BMPER: variants seen among roughly 807,000 people sequenced by gnomAD.
BMPER encodes BMP binding endothelial regulator.
Under a neutral mutation model 87.3 loss-of-function variants are expected in BMPER, and 45 were observed. The ratio of observed to expected loss-of-function variants is 0.52; its 90% confidence interval spans 0.41 to 0.66. BMPER has a LOEUF of 0.66. Ranked by LOEUF, BMPER falls within the 30% of genes least tolerant of loss-of-function variation. The pLI is 0.00. For synonymous variants in BMPER, 326 were observed against 316.2 expected (o/e 1.03, Z -0.33); for missense variants, 784 against 867.5 (o/e 0.90, Z 1.21).
intron 6 of BMPER, among the ~76,000 whole-genome samples, chr7:33,985,664 A>G (rs952861894): frequency 6.6e-6 from 1 of 151,952 alleles, no homozygotes; most frequent in Admixed American, 6.6e-5. Flanking sequence ...CCATTTGGAA[A>G]TCTTGTTTTC....
chr7:34,065,887 G>C (rs1788576432), intron 11 of BMPER, among the ~76,000 whole-genome samples: 1 of 152,156 alleles, frequency 6.6e-6, no homozygotes, highest in Admixed American at 6.5e-5. Context: ...TCTCTGAAAG[G>C]AGGCAAGAAT....
chr7:33,961,523 A>G lies in BMPER; in HGVS notation c.320-4956A>G, dbSNP rs74385443. ...AGAAACAGTCAGTGAGCCTGTTGCA[A>G]TAGTCCAGGCAGGCGAGAAATAACC... On this transcript the variant is annotated intron_variant, in intron 3 of 14. Coordinates refer to ENST00000649409, the MANE Select transcript of BMPER (RefSeq NM_001365308.1). 7.4e-3 allele frequency among the ~76,000 whole-genome samples: 1,129 copies of G among 152,280 alleles called. 11 individuals are homozygous for G. The highest frequency in any genetic ancestry group is 0.026 in the African/African-American group (1,071 of 41,562).
chr7:33,966,822 G>A (rs1410720005), intron 4 of BMPER, among the ~76,000 whole-genome samples: 1 of 152,172 alleles, frequency 6.6e-6, no homozygotes, highest in Non-Finnish European at 1.5e-5. Context: ...GAAAACTCCA[G>A]GAAGATGCAC....
chr7:34,069,698 T>C (rs137939339), intron 11 of BMPER, among the ~76,000 whole-genome samples: 1 of 152,334 alleles, frequency 6.6e-6, no homozygotes, highest in East Asian at 1.9e-4. Flanking sequence ...CTTTCTTTTA[T>C]ACATGACTAG....
intron 14 of BMPER, among the ~76,000 whole-genome samples, chr7:34,144,212 G>A (rs762511644): frequency 2.6e-5 from 4 of 151,956 alleles, no homozygotes; most frequent in Admixed American, 2.6e-4. Context: ...ATGGCATAGG[G>A]TAGGAGAAAA....
chr7:34,125,026 T>C (rs1267404697), intron 13 of BMPER, among the ~76,000 whole-genome samples: 2 of 152,128 alleles, frequency 1.3e-5, no homozygotes, highest in African/African-American at 2.4e-5. Flanking sequence ...TTGGTTATGA[T>C]ATATTATTCT....
At chr7:34,091,716 G>T (rs1046828462) in intron 13 of BMPER, among the ~76,000 whole-genome samples, 2 of 152,154 alleles carry the variant, frequency 1.3e-5, no homozygotes, top group African/African-American at 4.8e-5. Context: ...CTCTAAGCAT[G>T]TAGGAGTTAT....
rs370698305 is a variant in BMPER at position 34,052,820 on chromosome 7, C to T, written c.786+850C>T. Among the ~76,000 whole-genome samples, 21 of 152,304 alleles carry T rather than the reference C, an allele frequency of 1.4e-4. No homozygotes were observed. In the South Asian group the frequency reaches 1.7e-3, roughly 12 times the overall value. On this transcript the variant is annotated intron_variant, in intron 8 of 14. Transcript: ENST00000649409. Reference sequence around the variant, plus strand: ...TGTTCAGTAGCATGCACCACTTCAGCGGGTGGTTGGTTAAGGGCTGAACTG... The same window carrying T: ...TGTTCAGTAGCATGCACCACTTCAGTGGGTGGTTGGTTAAGGGCTGAACTG...
chr7:34,081,721 A>G lies in BMPER; in HGVS notation c.1408+2535A>G, dbSNP rs150629869. Reference sequence around the variant, plus strand: ...TACCTGAAAGCATTAACACATGGAGAGCATGGCTTTTTACTTTATTTTTGG... The same window carrying G: ...TACCTGAAAGCATTAACACATGGAGGGCATGGCTTTTTACTTTATTTTTGG... On this transcript the variant is annotated intron_variant, in intron 12 of 14. Transcript: ENST00000649409. Among the ~76,000 whole-genome samples the G allele has an allele frequency of 5.4e-4, 83 of 152,324 alleles. No individual in the cohort carries two copies. In the East Asian group the frequency reaches 0.015, roughly 27 times the overall value.
At chr7:34,082,252 C>T (rs1418404528) in intron 12 of BMPER, among the ~76,000 whole-genome samples, 4 of 151,676 alleles carry the variant, frequency 2.6e-5, no homozygotes, top group African/African-American at 9.7e-5. Flanking sequence ...CAAACCCTTC[C>T]ATGATGTTTT....
At chr7:33,933,461 T>TA (rs1784528520) in intron 2 of BMPER, among the ~76,000 whole-genome samples, 1 of 149,566 alleles carries the variant, frequency 6.7e-6, no homozygotes, top group African/African-American at 2.5e-5. Flanking sequence ...TTTTTTTTTT[T>TA]AGAGTATTCT....
intron 14 of BMPER, among the ~76,000 whole-genome samples, chr7:34,144,025 A>G (rs141028160): frequency 2.8e-4 from 42 of 152,264 alleles, no homozygotes; most frequent in African/African-American, 9.1e-4. Context: ...TACAATAAAA[A>G]CTTACAAATT....
chr7:33,955,525 C>T (rs1053955855), intron 3 of BMPER, among the ~76,000 whole-genome samples: 3 of 152,134 alleles, frequency 2.0e-5, no homozygotes, highest in Admixed American at 1.3e-4. Flanking sequence ...CTAGGAATGC[C>T]CTTAGTCCTT....
intron 6 of BMPER, among the ~76,000 whole-genome samples, chr7:33,977,859 A>G (rs939720565): frequency 6.6e-6 from 1 of 152,232 alleles, no homozygotes; most frequent in Non-Finnish European, 1.5e-5. Flanking sequence ...TAACATACAC[A>G]TGTTTAAGAT....
At chr7:34,006,507 G>C (rs1397572654) in intron 6 of BMPER, among the ~76,000 whole-genome samples, 2 of 152,032 alleles carry the variant, frequency 1.3e-5, no homozygotes, top group Admixed American at 1.3e-4. Context: ...CAAGCAATCA[G>C]AGCAAAATTT....
At chr7:34,107,638 T>G (rs923259049) in intron 13 of BMPER, among the ~76,000 whole-genome samples, 2 of 152,200 alleles carry the variant, frequency 1.3e-5, no homozygotes, top group Non-Finnish European at 2.9e-5. Context: ...TGTGTTCTGG[T>G]CTTTAAAAAA....
intron 12 of BMPER, among the ~76,000 whole-genome samples, chr7:34,085,194 T>C (rs1208513757): frequency 1.3e-5 from 2 of 152,228 alleles, no homozygotes; most frequent in Admixed American, 6.5e-5. Context: ...AGCAAATGTT[T>C]TCATTATATC....
intron 2 of BMPER, among the ~76,000 whole-genome samples, chr7:33,926,797 C>A (rs566024812): frequency 2.8e-4 from 43 of 152,344 alleles, no homozygotes; most frequent in African/African-American, 1.0e-3. Context: ...TTCAGTTCTG[C>A]GAACTTCTAG....
intron 5 of BMPER, among the ~76,000 whole-genome samples, chr7:33,973,028 C>T (rs755169842): frequency 2.0e-5 from 3 of 152,314 alleles, no homozygotes; most frequent in Non-Finnish European, 4.4e-5. Context: ...ATGACAAACA[C>T]GTAGTCTGTG....
Sources: gnomAD v4.1 joint callset for allele counts (sites outside exome capture counted in the v4.1 genomes callset) on GRCh38, gnomAD v4.1.1 for gene constraint, MANE v1.5 for transcripts, NCBI Gene and HGNC (gene_info 2026-07-23, HGNC 2026-07-21) for gene names.